Variants in GALNT17 observed in about 807,000 individuals in gnomAD.
GALNT17 encodes the protein polypeptide N-acetylgalactosaminyltransferase 17.
GALNT17 carries 29 observed loss-of-function variants against 63.7 expected under a neutral mutation model. That is an observed-to-expected ratio of 0.46 (90% CI 0.34 to 0.62). The LOEUF (loss-of-function observed/expected upper bound fraction) is 0.62. Ranked by LOEUF, GALNT17 falls within the 20% of genes least tolerant of loss-of-function variation. The pLI is 0.01. For synonymous variants in GALNT17, 305 were observed against 318.3 expected, an observed-to-expected ratio of 0.96 and a Z score of 0.45; for missense variants, 603 against 799.6, an observed-to-expected ratio of 0.75 and a Z score of 2.97.
intron 9 of GALNT17, among the ~76,000 whole-genome samples, chr7:71,701,739 ATGTGTATATATATG>A (rs1472876949): frequency 4.9e-4 from 10 of 20,450 alleles, no homozygotes; most frequent in Admixed American, 4.3e-3. Context: ...ATATATATAT[ATGTGTATATATATG>A]TATATATATG....
chr7:71,341,653 T>C (rs1792006594), intron 2 of GALNT17, among the ~76,000 whole-genome samples: 1 of 152,178 alleles, frequency 6.6e-6, no homozygotes, highest in African/African-American at 2.4e-5. Flanking sequence ...AAAAAAATAA[T>C]GTTCCATTTA....
chr7:71,145,021 C>T (rs972320313), intron 1 of GALNT17, among the ~76,000 whole-genome samples: 7 of 151,978 alleles, frequency 4.6e-5, no homozygotes, highest in Admixed American at 4.6e-4. Context: ...AGCCACTGTG[C>T]CCATCTTGGG....
chr7:71,568,601 T>A (rs1789387729), intron 5 of GALNT17, among the ~76,000 whole-genome samples: 2 of 152,144 alleles, frequency 1.3e-5, no homozygotes. Context: ...TGTTCCTGAG[T>A]TAATTTGCTT....
chr7:71,620,831 AT>A (rs559838305), intron 6 of GALNT17, among the ~76,000 whole-genome samples: 2 of 150,994 alleles, frequency 1.3e-5, no homozygotes, highest in East Asian at 1.9e-4. Context: ...TCTGGTTGTC[AT>A]TTTTTTTTCT....
At chr7:71,476,860 G>A (rs1787731150) in intron 5 of GALNT17, among the ~76,000 whole-genome samples, 1 of 152,110 alleles carries the variant, frequency 6.6e-6, no homozygotes, top group African/African-American at 2.4e-5. Context: ...GTCCTGTAAG[G>A]GACCTTAGCA....
intron 3 of GALNT17, among the ~76,000 whole-genome samples, chr7:71,390,976 A>G (rs998842076): frequency 6.6e-6 from 1 of 152,204 alleles, no homozygotes; most frequent in African/African-American, 2.4e-5. Context: ...CTTTAGGATA[A>G]TGAGGCCCCG....
intron 1 of GALNT17, among the ~76,000 whole-genome samples, chr7:71,261,608 C>T (rs2014954): frequency 0.056 from 8,456 of 152,152 alleles, 321 homozygotes; most frequent in East Asian, 0.17. Context: ...CTCCTTCCTC[C>T]GTGAAATGGA....
intron 5 of GALNT17, among the ~76,000 whole-genome samples, chr7:71,446,292 C>A (rs1224800688): frequency 6.6e-6 from 1 of 151,918 alleles, no homozygotes; most frequent in East Asian, 1.9e-4. Flanking sequence ...ATACTGTATC[C>A]ATTATAAATT....
intron 6 of GALNT17, among the ~76,000 whole-genome samples, chr7:71,647,467 G>A (rs1359900530): frequency 6.6e-6 from 1 of 152,134 alleles, no homozygotes; most frequent in Non-Finnish European, 1.5e-5. Flanking sequence ...CTGGAGAGGA[G>A]TGTGAGTGAC....
chr7:71,504,133 C>T (rs990067398), intron 5 of GALNT17, among the ~76,000 whole-genome samples: 3 of 151,368 alleles, frequency 2.0e-5, no homozygotes, highest in Non-Finnish European at 4.4e-5. Flanking sequence ...GAGGCTGAGG[C>T]AGGAGAATGG....
At chr7:71,252,976 A>G (rs890294108) in intron 1 of GALNT17, among the ~76,000 whole-genome samples, 19 of 152,162 alleles carry the variant, frequency 1.2e-4, no homozygotes, top group African/African-American at 3.9e-4. Context: ...CCCTCCACTC[A>G]TCTGAGCCAT....
intron 5 of GALNT17, among the ~76,000 whole-genome samples, chr7:71,559,599 C>T (rs552778135): frequency 6.5e-4 from 99 of 152,308 alleles, no homozygotes; most frequent in Non-Finnish European, 2.1e-4. Flanking sequence ...CAGTGGCTCA[C>T]AGCTTTAATC....
chr7:71,497,168 A>G (rs1309560733), intron 5 of GALNT17, among the ~76,000 whole-genome samples: 1 of 152,208 alleles, frequency 6.6e-6, no homozygotes, highest in Non-Finnish European at 1.5e-5. Flanking sequence ...TCTAACTGGG[A>G]GCCAGGACTG....
chr7:71,403,987 A>G (rs1793284282), intron 3 of GALNT17, among the ~76,000 whole-genome samples: 1 of 152,210 alleles, frequency 6.6e-6, no homozygotes, highest in South Asian at 2.1e-4. Context: ...GCTGAAATTC[A>G]CGTGTTATTA....
chr7:71,560,433 A>G (rs1057156831), intron 5 of GALNT17, among the ~76,000 whole-genome samples: 1 of 152,104 alleles, frequency 6.6e-6, no homozygotes, highest in East Asian at 1.9e-4. Context: ...TTTGATCAAT[A>G]GGGAATTGAT....
At position 71,438,716 on chromosome 7, in the gene GALNT17, A is replaced by G. The variant is rs560167175; in HGVS notation, c.962+17611A>G. Among the ~76,000 whole-genome samples, 4 of 152,330 alleles carry G rather than the reference A, an allele frequency of 2.6e-5. No individual in the cohort carries two copies. The East Asian group carries it at 7.7e-4, about 29-fold the overall frequency. ...TTCTTGCTATCAATATTATTAGAGC[A>G]ATTCTCTATTCTACAATGCTCCTCA... On this transcript the variant is annotated intron_variant, in intron 5 of 10. Coordinates refer to ENST00000333538, the MANE Select transcript of GALNT17 (RefSeq NM_022479.3).
intron 6 of GALNT17, among the ~76,000 whole-genome samples, chr7:71,580,113 G>A (rs1179139525): frequency 6.6e-6 from 1 of 152,058 alleles, no homozygotes; most frequent in East Asian, 1.9e-4. Flanking sequence ...ATAGATTATA[G>A]ATTAGATTGA....
At chr7:71,657,341 A>G (rs1262734483) in intron 6 of GALNT17, among the ~76,000 whole-genome samples, 1 of 152,270 alleles carries the variant, frequency 6.6e-6, no homozygotes, top group Non-Finnish European at 1.5e-5. Flanking sequence ...TGAAAAATAA[A>G]TAAAGTAAAT....
chr7:71,406,200 C>T (rs942276714), intron 3 of GALNT17, among the ~76,000 whole-genome samples: 1 of 152,138 alleles, frequency 6.6e-6, no homozygotes, highest in African/African-American at 2.4e-5. Context: ...TAGACACAGA[C>T]AAGCATAGTA....
Sources: gnomAD v4.1 joint callset for allele counts (sites outside exome capture counted in the v4.1 genomes callset) on GRCh38, gnomAD v4.1.1 for gene constraint, MANE v1.5 for transcripts, NCBI Gene and HGNC (gene_info 2026-07-23, HGNC 2026-07-21) for gene names.